The following STK10 variants were observed in gnomAD, a reference collection of about 807,000 sequenced individuals.
STK10 encodes the protein serine/threonine-protein kinase 10.
STK10 carries 78 observed loss-of-function variants against 113.8 expected under a neutral mutation model. That is an observed-to-expected ratio of 0.69 (90% CI 0.57 to 0.83). The LOEUF is 0.83. Among genes scored for constraint, STK10 ranks in the 40% least tolerant of loss-of-function variants. The pLI is 0.00. For missense variants in STK10, 1,109 were observed against 1,280.1 expected, an observed-to-expected ratio of 0.87 and a Z score of 2.04; for synonymous variants, 465 against 494.7, an observed-to-expected ratio of 0.94 and a Z score of 0.80.
chr5:172,068,157 G>A (rs548716500), intron 12 of STK10, among the ~76,000 whole-genome samples: 30 of 152,154 alleles, frequency 2.0e-4, no homozygotes, highest in Non-Finnish European at 3.1e-4. Flanking sequence ...TGGCCAAGAT[G>A]GTGAAACCCT....
intron 12 of STK10, among the ~76,000 whole-genome samples, chr5:172,081,975 C>T (rs530699536): frequency 1.3e-4 from 20 of 152,304 alleles, no homozygotes; most frequent in African/African-American, 4.8e-4. Flanking sequence ...CCAGCACCCA[C>T]TCGCCCTTCT....
Position 172,044,424 on chromosome 5 carries a change from G to C in STK10, c.*458C>G. 1 of 165,814 alleles carries C rather than the reference G, an allele frequency of 6.0e-6. No homozygotes were observed. Among genetic ancestry groups the C allele is most frequent in the Admixed American group, 5.8e-5 (1 of 17,138 alleles). 10.3% of individuals were successfully genotyped at this position (165,814 alleles called of 1,614,324 possible). A position where few individuals can be genotyped will look rare whatever the true frequency, so the allele number is the denominator to read the frequency against. ...GAACAGAAATGGCTGTGAGGGACTT[G>C]ATGATTGAGTGACTCTGCAGGGAAT... On this transcript the variant is annotated 3_prime_UTR_variant, in exon 19 of 19. Transcript: ENST00000176763. This position sits in a 1 kb window ranked among gnomAD's most constrained non-coding sequence, Gnocchi z 4.5.
chr5:172,100,336 C>T (rs1399910249), intron 7 of STK10, among the ~76,000 whole-genome samples: 1 of 152,170 alleles, frequency 6.6e-6, no homozygotes, highest in Non-Finnish European at 1.5e-5. Context: ...TGTTCAGTGC[C>T]ATCTTTGCTG....
chr5:172,054,694 A>T lies in STK10; in HGVS notation c.2527T>A (p.Phe843Ile), dbSNP rs770263691. 1.2e-6 allele frequency: 2 copies of T among 1,608,708 alleles called. No individual in the cohort carries two copies. The highest frequency in any genetic ancestry group is 2.7e-5 in the African/African-American group (2 of 74,916). ...TGCCTCTTCTCCTCCTGCTGGGAGA[A>T]CTGCACCAGAGAGAGGGTGGGTGCC... is the stretch of plus-strand genomic sequence containing the variant. ...AAEQREKIKQ[F>I]SQQEEKRQKS... Residue 843 changes from phenylalanine (F) to isoleucine (I), a missense_variant and splice_region_variant, in exon 17 of 19, where the codon TTC becomes ATC. By Grantham distance (21) the Phe-to-Ile change is conservative. Around this residue, in one of 5 missense-constraint regions of STK10, gnomAD observed 885 missense variants for 991.1 expected, o/e 0.89. Transcript: ENST00000176763.
chr5:172,141,427 A>C (rs1769970173), intron 2 of STK10, among the ~76,000 whole-genome samples: 1 of 151,918 alleles, frequency 6.6e-6, no homozygotes, highest in Non-Finnish European at 1.5e-5. Flanking sequence ...AAATACAAAA[A>C]AAAATTAGCC....
In STK10 at chr5:172,093,592, C is replaced by T; in HGVS notation, c.1374G>A (p.Glu458=). The T allele has an allele frequency of 6.2e-7, 1 of 1,614,262 alleles. No homozygotes were observed. The highest frequency in any genetic ancestry group is 8.5e-7 in the Non-Finnish European group (1 of 1,180,046). The change falls in exon 9 of 19, where the codon GAG becomes GAA. Residue 458 remains glutamate, a synonymous_variant. Transcript: ENST00000176763. This position sits in a 1 kb window ranked among gnomAD's most constrained non-coding sequence, Gnocchi z 4.1. The part of the protein sequence containing the change: ...SQSRPNSSAL[E]TLGGEKLANG... ...TGGCCAGCTTCTCCCCACCCAAGGT[C>T]TCCAGGGCGCTGCTGTTGGGCCGGC...
intron 1 of STK10, among the ~76,000 whole-genome samples, chr5:172,177,517 A>C (rs1688554337): frequency 6.6e-6 from 1 of 152,212 alleles, no homozygotes; most frequent in African/African-American, 2.4e-5. Flanking sequence ...TGTCGTGCCC[A>C]ACATGGCAGT....
intron 4 of STK10, among the ~76,000 whole-genome samples, chr5:172,117,194 A>G (rs1010502960): frequency 4.6e-5 from 7 of 152,068 alleles, no homozygotes; most frequent in Non-Finnish European, 1.0e-4. Flanking sequence ...CACAAGAAGC[A>G]CTTGAACCTG....
chr5:172,099,658 G>GTGAGAACCAAGATCCCAAAGA (rs1768938522), intron 7 of STK10, among the ~76,000 whole-genome samples: 1 of 152,100 alleles, frequency 6.6e-6, no homozygotes, highest in Non-Finnish European at 1.5e-5. Flanking sequence ...GATCCCAAAG[G>GTGAGAACCAAGATCCCAAAGA]TGAGAACCAA....
chr5:172,168,511 T>C lies in STK10; in HGVS notation c.157-11723A>G, dbSNP rs926474244. 5.9e-5 allele frequency among the ~76,000 whole-genome samples: 9 copies of C among 152,242 alleles called. No homozygotes were observed. The East Asian group carries it at 1.2e-3, about 20-fold the overall frequency. Reference sequence around the variant, plus strand: ...GAGTCAGCAGAGGACAGGAGCCTTATGCACCACGGGCCTGGGCCTTGGGAG... The same window carrying C: ...GAGTCAGCAGAGGACAGGAGCCTTACGCACCACGGGCCTGGGCCTTGGGAG... On this transcript the variant is annotated intron_variant, in intron 1 of 18. Coordinates refer to ENST00000176763, the MANE Select transcript of STK10 (RefSeq NM_005990.4).
chr5:172,082,632 C>A lies in STK10; in HGVS notation c.1810-127G>T. 1 of 1,262,026 alleles carries A rather than the reference C, an allele frequency of 7.9e-7. No homozygotes were observed. The highest frequency in any genetic ancestry group is 1.1e-6 in the Non-Finnish European group (1 of 935,420). The allele number at this position is 1,262,026 out of a possible 1,614,324, so 78.2% of individuals were successfully genotyped here. ...TAAGCTTGAATCCCAGCTCTACTAC[C>A]CCGTTGCTGTGTGACCTGGGGCAAG... On this transcript the variant is annotated intron_variant, in intron 11 of 18. Coordinates refer to ENST00000176763, the MANE Select transcript of STK10 (RefSeq NM_005990.4). The surrounding 1 kb of genome is among the most constrained non-coding windows in gnomAD (Gnocchi z 4.3).
intron 2 of STK10, among the ~76,000 whole-genome samples, chr5:172,134,810 G>A (rs1156451812): frequency 1.3e-5 from 2 of 151,188 alleles, no homozygotes; most frequent in African/African-American, 4.9e-5. Context: ...TGTGGTCCCA[G>A]ATACTTGGGG....
At chr5:172,174,093 A>AGGGAGAGGCAAC (rs144215339) in intron 1 of STK10, among the ~76,000 whole-genome samples, 30,641 of 151,990 alleles carry the variant, frequency 0.2, 3,186 homozygotes, top group Middle Eastern at 0.25. Context: ...GGGCCTGTCC[A>AGGGAGAGGCAAC]GGGAGAGGCA....
chr5:172,094,552 T>G (rs909162994), intron 8 of STK10, among the ~76,000 whole-genome samples: 4 of 151,806 alleles, frequency 2.6e-5, no homozygotes, highest in Non-Finnish European at 5.9e-5. Context: ...CCAGCTAATT[T>G]TTGCATTTTT....
At chr5:172,088,213 T>C (rs1768614397) in intron 10 of STK10, among the ~76,000 whole-genome samples, 1 of 152,082 alleles carries the variant, frequency 6.6e-6, no homozygotes, top group Non-Finnish European at 1.5e-5. Flanking sequence ...CCCAGCTGCA[T>C]GGTTAAACGT....
chr5:172,175,757 C>G (rs1053392832), intron 1 of STK10, among the ~76,000 whole-genome samples: 2 of 152,166 alleles, frequency 1.3e-5, no homozygotes, highest in African/African-American at 4.8e-5. Flanking sequence ...TTGTCTTTCT[C>G]TCTGTGCTAT....
rs11273930 is a variant in STK10, at chr5:172,171,730, TGAATAGAATA to T, written c.157-14952_157-14943del. Among the ~76,000 whole-genome samples the T allele has an allele frequency of 2.2e-3, 330 of 149,122 alleles. 1 individual carries two copies. The highest frequency in any genetic ancestry group is 6.0e-3 in the African/African-American group (241 of 40,266). ...ACTCTTGTCTTAAAATAAAATAAAA[TGAATAGAATA>T]GAATAGAATAGAATAGAATAGGCTG... On this transcript the variant is annotated intron_variant, in intron 1 of 18. Transcript: ENST00000176763.
chr5:172,090,491 C>A, intron 9 of STK10, 129 bp from the exon 10 acceptor site: 3 of 1,307,252 alleles, frequency 2.3e-6, no homozygotes, highest in Non-Finnish European at 2.1e-6. Flanking sequence ...TGTGGCCATC[C>A]ATCGTCCCTC....
chr5:172,170,887 G>C (rs1770655103), intron 1 of STK10, among the ~76,000 whole-genome samples: 1 of 152,234 alleles, frequency 6.6e-6, no homozygotes, highest in African/African-American at 2.4e-5. Context: ...GGAGGACAGT[G>C]AGACTCAATG....
Sources: allele counts gnomAD v4.1 joint callset (sites outside exome capture counted in the v4.1 genomes callset), GRCh38; gene constraint gnomAD v4.1.1; regional missense constraint gnomAD v4.1.1; non-coding constraint Gnocchi (gnomAD v3.1); transcripts MANE v1.5; gene names NCBI Gene and HGNC (gene_info 2026-07-23, HGNC 2026-07-21).